The following PCDH15 variants were observed in gnomAD, a reference collection of about 807,000 sequenced individuals.
PCDH15 encodes the protein protocadherin-15.
A neutral mutation model predicts 178.5 loss-of-function variants in PCDH15; 129 were observed. The ratio of observed to expected loss-of-function variants is 0.72; its 90% CI spans 0.63 to 0.84. PCDH15 has a LOEUF of 0.84. Among genes scored for constraint, PCDH15 ranks in the 40% least tolerant of loss-of-function variants. The probability of loss-of-function intolerance (pLI) is 0.00; values close to 1 mark genes in which losing one functional copy is unlikely to be tolerated. For synonymous variants in PCDH15, 800 were observed against 732.0 expected (o/e 1.09, Z -1.50); for missense variants, 2,230 against 2,099.9 (o/e 1.06, Z -1.21).
intron 2 of PCDH15, among the ~76,000 whole-genome samples, chr10:55,143,601 A>G (rs1936454): frequency 0.52 from 79,284 of 151,744 alleles, 21,222 homozygotes; most frequent in South Asian, 0.65. Flanking sequence ...ATTGCTGAAG[A>G]GATAGTATGG....
Position 53,821,794 on chromosome 10 carries a change from T to A in PCDH15, c.4368-1564A>T, listed in dbSNP as rs188426462. The A allele has an allele frequency of 3.2e-4, 520 of 1,600,218 alleles. 1 individual carries two copies. Among genetic ancestry groups the A allele is most frequent in the Non-Finnish European group, 4.2e-4 (496 of 1,176,874 alleles). On this transcript the variant is annotated intron_variant, in intron 32 of 37. Coordinates refer to ENST00000644397, the MANE Select transcript of PCDH15 (RefSeq NM_001384140.1). Reference sequence around the variant, plus strand: ...TAGAGTCTTCTTTGACGTTCAAATTTGATGTTCAACTTGAAGACTATGATC... The same window carrying A: ...TAGAGTCTTCTTTGACGTTCAAATTAGATGTTCAACTTGAAGACTATGATC...
At chr10:54,269,844 T>G (rs10763095) in intron 8 of PCDH15, among the ~76,000 whole-genome samples, 104,138 of 151,750 alleles carry the variant, frequency 0.69, 36,610 homozygotes, top group Middle Eastern at 0.76. Context: ...CACCACTTCA[T>G]CTTAACAACA....
chr10:53,948,461 C>T (rs1167998630), intron 23 of PCDH15, among the ~76,000 whole-genome samples: 1 of 151,970 alleles, frequency 6.6e-6, no homozygotes, highest in Admixed American at 6.6e-5. Flanking sequence ...TATTTTTGTG[C>T]ATGTGATTTT....
rs1554853331 is a variant in PCDH15, at chr10:54,239,432, T to TATAGAGAGAGAGAGAG, written c.877-2502_877-2501insCTCTCTCTCTCTCTAT. Among the ~76,000 whole-genome samples, 772 of 150,626 alleles carry TATAGAGAGAGAGAGAG rather than the reference T, an allele frequency of 5.1e-3. 6 individuals are homozygous for TATAGAGAGAGAGAGAG. The highest frequency in any genetic ancestry group is 0.018 in the African/African-American group (731 of 41,040). On this transcript the variant is annotated intron_variant, in intron 8 of 37. Transcript: ENST00000644397. ...GTGATTAAATATATATATATATATA[T>TATAGAGAGAGAGAGAG]AGAGTAAGAACTGAAGAACTAAAAA...
At chr10:54,718,267 T>C (rs2095505080) in intron 1 of PCDH15, among the ~76,000 whole-genome samples, 1 of 146,216 alleles carries the variant, frequency 6.8e-6, no homozygotes, top group South Asian at 2.1e-4. Flanking sequence ...ATAATAATAA[T>C]AATAATAAAA....
chr10:55,080,824 G>A (rs542503863), intron 2 of PCDH15, among the ~76,000 whole-genome samples: 9 of 152,178 alleles, frequency 5.9e-5, no homozygotes, highest in African/African-American at 1.7e-4. Flanking sequence ...GAGTACAAAT[G>A]CTGCTCTGGT....
chr10:54,622,402 C>T (rs2134454653), intron 2 of PCDH15, among the ~76,000 whole-genome samples: 1 of 149,048 alleles, frequency 6.7e-6, no homozygotes, highest in African/African-American at 2.5e-5. Flanking sequence ...TAATTGGTGA[C>T]AAGATTTAAA....
At chr10:54,404,191 A>C (rs1286049486) in intron 3 of PCDH15, among the ~76,000 whole-genome samples, 2 of 151,854 alleles carry the variant, frequency 1.3e-5, no homozygotes, top group East Asian at 1.9e-4. Flanking sequence ...TTCAGGCCCC[A>C]AAAAAGGACC....
intron 13 of PCDH15, among the ~76,000 whole-genome samples, chr10:54,173,755 T>A (rs1050209007): frequency 3.3e-5 from 5 of 152,190 alleles, no homozygotes; most frequent in Non-Finnish European, 7.3e-5. Context: ...ACAATAATTT[T>A]ATTCCATTTG....
At chr10:54,036,888 G>T (rs1306585396) in intron 18 of PCDH15, among the ~76,000 whole-genome samples, 1 of 151,860 alleles carries the variant, frequency 6.6e-6, no homozygotes, top group East Asian at 1.9e-4. Flanking sequence ...TTTGATTCAT[G>T]GAAGGAGGTA....
chr10:54,626,264 C>T (rs901306103), intron 2 of PCDH15, among the ~76,000 whole-genome samples: 1 of 152,084 alleles, frequency 6.6e-6, no homozygotes, highest in Non-Finnish European at 1.5e-5. Context: ...GAAATTCAAG[C>T]GGGCGGCAGA....
In PCDH15 at chr10:54,870,730, G is replaced by A. The variant is rs866276638; in HGVS notation, c.-29+26720C>T. Among the ~76,000 whole-genome samples the A allele has an allele frequency of 4.6e-5, 7 of 151,956 alleles. No individual in the cohort carries two copies. In the South Asian group the frequency reaches 6.2e-4, roughly 14 times the overall value. On this transcript the variant is annotated intron_variant, in intron 3 of 5. Transcript: ENST00000458638. ...GAACCCGGGAGGCGGAGCTTGCAGTGAGCCGAGATCGCACCACTGCACTCT... is the reference window on the plus strand; with the variant it reads ...GAACCCGGGAGGCGGAGCTTGCAGTAAGCCGAGATCGCACCACTGCACTCT...
chr10:54,388,104 C>A (rs1420337045), intron 3 of PCDH15, among the ~76,000 whole-genome samples: 1 of 151,610 alleles, frequency 6.6e-6, no homozygotes, highest in Non-Finnish European at 1.5e-5. Flanking sequence ...ACTGTACACT[C>A]AGATATGTTT....
chr10:55,148,850 A>AAT (rs1838605729), intron 2 of PCDH15, among the ~76,000 whole-genome samples: 2 of 148,244 alleles, frequency 1.3e-5, no homozygotes, highest in African/African-American at 4.9e-5. Context: ...ATATTATATA[A>AAT]ATATATATTA....
chr10:54,229,406 TGAAG>T (rs1405861786), intron 9 of PCDH15, among the ~76,000 whole-genome samples: 2 of 152,200 alleles, frequency 1.3e-5, no homozygotes, highest in African/African-American at 4.8e-5. Context: ...ATTCATGGGA[TGAAG>T]GATCATAAAA....
Position 54,317,430 on chromosome 10 carries a change from T to C in PCDH15, c.717A>G (p.Gln239=). 1 of 1,613,790 alleles carries C rather than the reference T, an allele frequency of 6.2e-7. No homozygotes were observed. Among genetic ancestry groups the C allele is most frequent in the Non-Finnish European group, 8.5e-7 (1 of 1,179,854 alleles). Residue 239 remains glutamine (Q), a synonymous_variant, in exon 8 of 38, where the codon CAA becomes CAG. Transcript: ENST00000644397. The part of the protein sequence containing the change: ...FVIIQANDRA[Q]NLNERRTTTT... ...TGGTGGTTCGCCTCTCATTCAGATT[T>C]TGGGCACGGTCCTGTTAGGGAGAAA...
At chr10:54,371,523 G>A (rs1565107711) in intron 4 of PCDH15, among the ~76,000 whole-genome samples, 2 of 151,822 alleles carry the variant, frequency 1.3e-5, no homozygotes, top group African/African-American at 4.8e-5. Context: ...ACATCCATTA[G>A]TTGACTTACT....
intron 13 of PCDH15, among the ~76,000 whole-genome samples, chr10:54,166,232 G>A (rs760630894): frequency 4.6e-5 from 7 of 152,066 alleles, no homozygotes; most frequent in South Asian, 2.1e-4. Flanking sequence ...ATGAATTCTC[G>A]TTAGTGCTCT....
intron 1 of PCDH15, among the ~76,000 whole-genome samples, chr10:54,737,057 A>T (rs935606217): frequency 5.8e-4 from 88 of 152,232 alleles, no homozygotes; most frequent in African/African-American, 2.1e-3. Flanking sequence ...TGAGTGCTAC[A>T]AGGGTCCCAA....
Sources: gnomAD v4.1 joint callset for allele counts (sites outside exome capture counted in the v4.1 genomes callset) on GRCh38, gnomAD v4.1.1 for gene constraint, MANE v1.5 for transcripts, NCBI Gene and HGNC (gene_info 2026-07-23, HGNC 2026-07-21) for gene names.